CLIC5: variants seen among roughly 807,000 people sequenced by gnomAD.
CLIC5 encodes the protein chloride intracellular channel protein 5.
CLIC5 carries 20 observed loss-of-function variants against 24.7 expected under a neutral mutation model. The observed-to-expected ratio is 0.81, with a 90% CI of 0.57 to 1.18. The LOEUF is 1.18. Ranked by LOEUF, CLIC5 falls within the 50% of genes most tolerant of loss-of-function variation. CLIC5 has a pLI of 0.00. For missense variants in CLIC5, 341 were observed against 326.1 expected, an observed-to-expected ratio of 1.05 and a Z score of -0.35; for synonymous variants, 159 against 135.6, an observed-to-expected ratio of 1.17 and a Z score of -1.20.
chr6:46,067,401 C>T (rs1178925029), intron 1 of CLIC5, among the ~76,000 whole-genome samples: 4 of 152,188 alleles, frequency 2.6e-5, no homozygotes, highest in Non-Finnish European at 5.9e-5. Flanking sequence ...TCCTGGCCAG[C>T]TGATATTCTC....
At chr6:46,048,609 C>T (rs1200700158) in intron 1 of CLIC5, among the ~76,000 whole-genome samples, 1 of 152,146 alleles carries the variant, frequency 6.6e-6, no homozygotes, top group Non-Finnish European at 1.5e-5. Flanking sequence ...CACCCCACCT[C>T]CCACCTCCTC....
the CLIC5 span, among the ~76,000 whole-genome samples, chr6:46,100,172 C>G: frequency 2.0e-5 from 3 of 152,200 alleles, no homozygotes; most frequent in African/African-American, 7.2e-5. Flanking sequence ...AGCCATTCAT[C>G]ATCCGCCTTT....
At chr6:46,005,135 T>C (rs1766503989) in intron 1 of CLIC5, among the ~76,000 whole-genome samples, 1 of 152,166 alleles carries the variant, frequency 6.6e-6, no homozygotes, top group Admixed American at 6.5e-5. Context: ...ATCTCCCAAA[T>C]TGGATGTTTA....
At chr6:45,961,234 A>G (rs1320698686) in intron 1 of CLIC5, among the ~76,000 whole-genome samples, 3 of 152,218 alleles carry the variant, frequency 2.0e-5, no homozygotes, top group African/African-American at 4.8e-5. Context: ...GCTGTCGCCC[A>G]TGAAACTTGT....
At chr6:45,938,652 T>C (rs1338882585) in intron 4 of CLIC5, among the ~76,000 whole-genome samples, 2 of 151,986 alleles carry the variant, frequency 1.3e-5, no homozygotes, top group Non-Finnish European at 2.9e-5. Flanking sequence ...GAGTACTGAG[T>C]TTATAAGAAA....
chr6:45,885,652 T>G (rs1762298944), intron 6 of CLIC5, among the ~76,000 whole-genome samples: 1 of 152,210 alleles, frequency 6.6e-6, no homozygotes, highest in South Asian at 2.1e-4. Flanking sequence ...GGACATCTTC[T>G]GAATCTCATT....
chr6:45,893,858 A>T (rs1332133296), downstream of CLIC5, among the ~76,000 whole-genome samples: 4 of 152,192 alleles, frequency 2.6e-5, no homozygotes, highest in African/African-American at 9.7e-5. Context: ...TATGTGGACT[A>T]AAAAAAGAAA....
At chr6:45,930,703 A>C (rs1763703132) in intron 4 of CLIC5, among the ~76,000 whole-genome samples, 1 of 152,202 alleles carries the variant, frequency 6.6e-6, no homozygotes, top group Non-Finnish European at 1.5e-5. Context: ...CGGGGGGAGC[A>C]CTGTGAAATT....
chr6:46,010,912 C>G (rs1238479079), intron 1 of CLIC5, among the ~76,000 whole-genome samples: 1 of 152,122 alleles, frequency 6.6e-6, no homozygotes, highest in Non-Finnish European at 1.5e-5. Context: ...TGAGCTCATG[C>G]TTAGGCAAGC....
the CLIC5 span, among the ~76,000 whole-genome samples, chr6:46,121,993 A>G: frequency 2.0e-5 from 3 of 152,174 alleles, no homozygotes; most frequent in African/African-American, 2.4e-5. Flanking sequence ...AGACTTTAAC[A>G]CCCCACTGTC....
intron 1 of CLIC5, among the ~76,000 whole-genome samples, chr6:46,004,716 A>G (rs1344450214): frequency 6.6e-6 from 1 of 152,184 alleles, no homozygotes; most frequent in Non-Finnish European, 1.5e-5. Context: ...ATCCTGCCAC[A>G]CAGATCAGAT....
chr6:46,094,835 A>T, the CLIC5 span, among the ~76,000 whole-genome samples: 13 of 152,310 alleles, frequency 8.5e-5, no homozygotes, highest in Admixed American at 6.5e-4. Flanking sequence ...AAGGACTCTG[A>T]GTGGGGGCTA....
At chr6:46,047,105 A>G (rs1321539525) in intron 1 of CLIC5, among the ~76,000 whole-genome samples, 1 of 152,220 alleles carries the variant, frequency 6.6e-6, no homozygotes, top group Admixed American at 6.5e-5. Context: ...GTTAAGACCA[A>G]TGCCTCTTTT....
At chr6:45,979,240 G>A (rs975923882) in intron 1 of CLIC5, among the ~76,000 whole-genome samples, 1 of 152,146 alleles carries the variant, frequency 6.6e-6, no homozygotes, top group African/African-American at 2.4e-5. Flanking sequence ...TGTATTATAT[G>A]TGCTAACTGA....
intron 1 of CLIC5, among the ~76,000 whole-genome samples, chr6:46,071,475 A>G (rs143463564): frequency 0.011 from 1,610 of 152,306 alleles, 29 homozygotes; most frequent in Non-Finnish European, 0.011. Context: ...GCCAACAACC[A>G]TATGAAAAAA....
chr6:45,904,737 C>T (rs1405095345), intron 5 of CLIC5, among the ~76,000 whole-genome samples: 2 of 144,228 alleles, frequency 1.4e-5, no homozygotes, highest in Admixed American at 1.5e-4. Context: ...CTCTTCCTTC[C>T]TTCCCTCTTT....
intron 4 of CLIC5, among the ~76,000 whole-genome samples, chr6:45,916,698 G>C (rs1763044469): frequency 6.6e-6 from 1 of 152,230 alleles, no homozygotes; most frequent in Non-Finnish European, 1.5e-5. Context: ...AGCAGTGATT[G>C]AAGTTCCTTG....
At chr6:45,995,860 A>C (rs973113682) in intron 1 of CLIC5, among the ~76,000 whole-genome samples, 1 of 152,184 alleles carries the variant, frequency 6.6e-6, no homozygotes, top group Non-Finnish European at 1.5e-5. Flanking sequence ...GCTAACACAG[A>C]AACAGAAGAC....
chr6:45,892,614 G>A (rs905636341), intron 6 of CLIC5, among the ~76,000 whole-genome samples: 6 of 152,216 alleles, frequency 3.9e-5, no homozygotes, highest in Admixed American at 2.6e-4. Context: ...ATGCAACCAT[G>A]TGTTTTATCT....
Sources: gnomAD v4.1 joint callset for allele counts (sites outside exome capture counted in the v4.1 genomes callset) on GRCh38, gnomAD v4.1.1 for gene constraint, MANE v1.5 for transcripts, NCBI Gene and HGNC (gene_info 2026-07-23, HGNC 2026-07-21) for gene names.